IQGAP2: variants seen among roughly 807,000 people sequenced by gnomAD.
IQGAP2 encodes the protein ras GTPase-activating-like protein IQGAP2.
IQGAP2 carries 173 observed loss-of-function variants against 201.3 expected under a neutral mutation model. The observed-to-expected ratio is 0.86, with a 90% CI of 0.76 to 0.98. The LOEUF (loss-of-function observed/expected upper bound fraction) is 0.98. IQGAP2 is among the 50% of genes least tolerant of loss of function. The pLI is 0.00. For synonymous variants in IQGAP2, 675 were observed against 673.9 expected (o/e 1.00, Z -0.03); for missense variants, 1,687 against 1,864.8 (o/e 0.90, Z 1.76).
chr5:76,427,399 A>T (rs2150086973), intron 1 of IQGAP2, among the ~76,000 whole-genome samples: 1 of 152,306 alleles, frequency 6.6e-6, no homozygotes, highest in African/African-American at 2.4e-5. Context: ...CCTCACTTTC[A>T]TGCTCTTGGA....
intron 1 of IQGAP2, among the ~76,000 whole-genome samples, chr5:76,405,134 G>A (rs114379804): frequency 0.017 from 2,539 of 152,006 alleles, 88 homozygotes; most frequent in African/African-American, 0.057. Flanking sequence ...GATTGATGTC[G>A]GCCCTCATGA....
chr5:76,467,847 T>C (rs10058628), intron 2 of IQGAP2, among the ~76,000 whole-genome samples: 33,881 of 151,944 alleles, frequency 0.22, 4,096 homozygotes, highest in Middle Eastern at 0.3. Flanking sequence ...CTTAAAAACA[T>C]GTTGAGTGAA....
intron 2 of IQGAP2, among the ~76,000 whole-genome samples, chr5:76,477,284 T>C (rs1755490850): frequency 6.6e-6 from 1 of 152,184 alleles, no homozygotes; most frequent in Non-Finnish European, 1.5e-5. Flanking sequence ...GAGGCTGCAG[T>C]GCACAGTGAT....
chr5:76,441,879 AGT>A (rs1753062738), intron 1 of IQGAP2, among the ~76,000 whole-genome samples: 1 of 152,230 alleles, frequency 6.6e-6, no homozygotes, highest in African/African-American at 2.4e-5. Flanking sequence ...TGTGGAATGA[AGT>A]TCAGGCCTTT....
At position 76,461,620 on chromosome 5, in the gene IQGAP2, C is replaced by T. The variant is rs769416675; in HGVS notation, c.97C>T (p.Arg33Trp). ...LSAEEMDERR[R>W]QNIAYEYLCH... ...TGCAGAGGAGATGGATGAGAGGAGG[C>T]GGCAGAACATTGCTTATGAATATCT... Residue 33 changes from arginine (R) to tryptophan (W), a missense_variant, in exon 2 of 36, where the codon CGG (arginine) becomes TGG (tryptophan). Physicochemically the swap from Arg to Trp is moderately radical, Grantham distance 101. Coordinates refer to ENST00000274364, the MANE Select transcript of IQGAP2 (RefSeq NM_006633.5). The T allele has an allele frequency of 3.6e-5, 58 of 1,613,762 alleles. No homozygotes were observed. The highest frequency in any genetic ancestry group is 8.0e-5 in the African/African-American group (6 of 74,900).
chr5:76,647,617 GT>G (rs1231775977), intron 17 of IQGAP2, among the ~76,000 whole-genome samples: 1 of 152,068 alleles, frequency 6.6e-6, no homozygotes, highest in Non-Finnish European at 1.5e-5. Flanking sequence ...CACCATGATT[GT>G]GAGGCCTCCC....
At chr5:76,429,066 G>A (rs1295924198) in intron 1 of IQGAP2, among the ~76,000 whole-genome samples, 1 of 105,446 alleles carries the variant, frequency 9.5e-6, no homozygotes, top group South Asian at 3.6e-4. Flanking sequence ...GTGACAGCGA[G>A]ACTCTGTCTC....
At chr5:76,452,488 T>C (rs1049819467) in intron 1 of IQGAP2, among the ~76,000 whole-genome samples, 4 of 152,180 alleles carry the variant, frequency 2.6e-5, no homozygotes, top group African/African-American at 4.8e-5. Flanking sequence ...TGAATATTAA[T>C]TTTTTTCTGT....
intron 13 of IQGAP2, among the ~76,000 whole-genome samples, chr5:76,613,397 A>G (rs376133269): frequency 1.3e-5 from 2 of 152,208 alleles, no homozygotes; most frequent in African/African-American, 4.8e-5. Context: ...CAAATTAGTT[A>G]TGTGATCTTG....
intron 28 of IQGAP2, among the ~76,000 whole-genome samples, chr5:76,677,864 G>C (rs1744957520): frequency 6.6e-6 from 1 of 152,174 alleles, no homozygotes; most frequent in Non-Finnish European, 1.5e-5. Context: ...TCAGGAGTCT[G>C]AGGCTGCAGT....
intron 21 of IQGAP2, chr5:76,660,418 A>G (rs967395831): frequency 6.6e-6 from 1 of 152,238 alleles, no homozygotes; most frequent in African/African-American, 2.4e-5. Context: ...ATCCATGAGA[A>G]CTTTTAAAGT....
intron 11 of IQGAP2, 137 bp from the exon 12 acceptor site, chr5:76,606,042 A>G (rs1216235567): frequency 2.3e-5 from 15 of 641,060 alleles, no homozygotes; most frequent in Non-Finnish European, 3.0e-5. Flanking sequence ...AGAGCTACAC[A>G]AGACAATTTT....
intron 1 of IQGAP2, among the ~76,000 whole-genome samples, chr5:76,435,435 C>T (rs1057391226): frequency 2.0e-5 from 3 of 152,044 alleles, no homozygotes; most frequent in African/African-American, 7.2e-5. Context: ...TCCCCAGTTC[C>T]GATTATTAAA....
intron 12 of IQGAP2, among the ~76,000 whole-genome samples, chr5:76,610,565 CAA>C (rs10560903): frequency 0.27 from 39,314 of 143,716 alleles, 5,499 homozygotes; most frequent in South Asian, 0.47. Flanking sequence ...AAGAATCTCT[CAA>C]AAAAAAAAAA....
chr5:76,627,626 A>C, intron 14 of IQGAP2, 126 bp downstream of exon 14: 1 of 634,782 alleles, frequency 1.6e-6, no homozygotes, highest in Non-Finnish European at 2.8e-6. Context: ...TGGACACATA[A>C]TTATACCGAA....
At chr5:76,612,906 GTA>G (rs1224316401) in intron 13 of IQGAP2, among the ~76,000 whole-genome samples, 1 of 152,104 alleles carries the variant, frequency 6.6e-6, no homozygotes, top group African/African-American at 2.4e-5. Context: ...AGGAGTGTGT[GTA>G]TTAAATAATT....
At chr5:76,410,973 G>T (rs1751077247) in intron 1 of IQGAP2, among the ~76,000 whole-genome samples, 1 of 152,178 alleles carries the variant, frequency 6.6e-6, no homozygotes, top group African/African-American at 2.4e-5. Flanking sequence ...GCTGACAGCT[G>T]TTTATTTAGT....
intron 32 of IQGAP2, among the ~76,000 whole-genome samples, chr5:76,696,866 A>AATTCTATTTAATGAAGAAT (rs1554087546): frequency 2.0e-4 from 14 of 69,114 alleles, no homozygotes; most frequent in Non-Finnish European, 4.5e-4. Context: ...TTTAATGAAG[A>AATTCTATTTAATGAAGAAT]ATTCTATTTA....
chr5:76,597,376 G>T (rs1270033319), intron 9 of IQGAP2, 63 bp from the exon 10 acceptor site: 2 of 1,539,966 alleles, frequency 1.3e-6, no homozygotes, highest in African/African-American at 2.7e-5. Flanking sequence ...AAGAAGGGCT[G>T]GTTGGGTGAG....
Sources: gnomAD v4.1 joint callset for allele counts (sites outside exome capture counted in the v4.1 genomes callset) on GRCh38, gnomAD v4.1.1 for gene constraint, MANE v1.5 for transcripts, NCBI Gene and HGNC (gene_info 2026-07-23, HGNC 2026-07-21) for gene names.